Variants in NELL2 observed in about 807,000 individuals in gnomAD.
NELL2 encodes the protein neural EGFL like 2, also known as protein kinase C-binding protein NELL2.
NELL2 carries 41 observed loss-of-function variants against 109.6 expected under a neutral mutation model. The observed-to-expected ratio is 0.37, with a 90% CI of 0.29 to 0.49. The LOEUF is 0.49. Among genes scored for constraint, NELL2 ranks in the 20% least tolerant of loss-of-function variants. The pLI is 0.98. For synonymous variants in NELL2, 355 were observed against 344.7 expected, an observed-to-expected ratio of 1.03 and a Z score of -0.33; for missense variants, 900 against 1,008.3, an observed-to-expected ratio of 0.89 and a Z score of 1.45.
chr12:44,792,114 C>T (rs114049791), intron 3 of NELL2, among the ~76,000 whole-genome samples: 2,194 of 152,246 alleles, frequency 0.014, 52 homozygotes, highest in African/African-American at 0.05. Context: ...TATCAAACGC[C>T]ATTGACAGGT....
intron 13 of NELL2, among the ~76,000 whole-genome samples, chr12:44,620,670 C>T (rs1257977685): frequency 1.3e-5 from 2 of 151,990 alleles, no homozygotes; most frequent in South Asian, 2.1e-4. Flanking sequence ...TCACCATAGA[C>T]TCCTCCCTCC....
At chr12:44,743,068 T>A (rs923403929) in intron 9 of NELL2, among the ~76,000 whole-genome samples, 1 of 151,954 alleles carries the variant, frequency 6.6e-6, no homozygotes, top group African/African-American at 2.4e-5. Flanking sequence ...TGGGTTACCC[T>A]CAAAGGGAAG....
intron 13 of NELL2, among the ~76,000 whole-genome samples, chr12:44,620,981 C>G: frequency 1.3e-5 from 2 of 152,298 alleles, no homozygotes; most frequent in Middle Eastern, 6.8e-3. Flanking sequence ...ATTGGTGGCA[C>G]ACCATTGTTT....
intron 13 of NELL2, among the ~76,000 whole-genome samples, chr12:44,664,273 G>T (rs1015751344): frequency 1.3e-5 from 2 of 151,930 alleles, no homozygotes; most frequent in African/African-American, 4.8e-5. Flanking sequence ...TGTTTAGGAT[G>T]AACTGACAAA....
Position 44,695,314 on chromosome 12 carries a change from C to G in NELL2, c.1318+8412G>C, listed in dbSNP as rs1382950340. Among the ~76,000 whole-genome samples, 3 of 150,838 alleles carry G rather than the reference C, an allele frequency of 2.0e-5. No individual in the cohort carries two copies. In the East Asian group the frequency reaches 5.8e-4, roughly 29 times the overall value. ...TCAAAAAAAAAAAAAAAAGAAGAAG[C>G]AGCATTCAATTTTTAAAGTAGTTAA... On this transcript the variant is annotated intron_variant, in intron 12 of 19. Transcript: ENST00000429094.
chr12:44,609,084 T>G (rs1201825043), intron 14 of NELL2, among the ~76,000 whole-genome samples: 6 of 151,994 alleles, frequency 3.9e-5, no homozygotes, highest in African/African-American at 1.4e-4. Flanking sequence ...TTACCCATTT[T>G]GAGTTAGGTT....
At chr12:44,845,015 C>T (rs976793737) in intron 2 of NELL2, among the ~76,000 whole-genome samples, 39 of 152,252 alleles carry the variant, frequency 2.6e-4, no homozygotes, top group African/African-American at 8.2e-4. Context: ...ATCCTTAATA[C>T]TTTCCATTCC....
At chr12:44,623,135 G>A (rs1946117085) in intron 13 of NELL2, among the ~76,000 whole-genome samples, 1 of 152,112 alleles carries the variant, frequency 6.6e-6, no homozygotes, top group South Asian at 2.1e-4. Flanking sequence ...GTCGTTACAA[G>A]ATGAGTAAGG....
chr12:44,850,375 A>G (rs1944498230), intron 2 of NELL2, among the ~76,000 whole-genome samples: 1 of 152,130 alleles, frequency 6.6e-6, no homozygotes, highest in African/African-American at 2.4e-5. Flanking sequence ...ATAGAGTGAC[A>G]AGGATGTCTA....
chr12:44,771,006 T>G (rs1171990578), intron 9 of NELL2, among the ~76,000 whole-genome samples: 2 of 152,010 alleles, frequency 1.3e-5, no homozygotes, highest in East Asian at 3.8e-4. Flanking sequence ...TCAATTATTT[T>G]CTGATAATTT....
chr12:44,688,559 T>C (rs1405128444), intron 12 of NELL2, among the ~76,000 whole-genome samples: 2 of 152,212 alleles, frequency 1.3e-5, no homozygotes, highest in East Asian at 3.8e-4. Flanking sequence ...GGCTCTGAGA[T>C]GTTAAACAAT....
chr12:44,682,262 G>T lies in NELL2; in HGVS notation c.1319-16653C>A, dbSNP rs560917978. Among the ~76,000 whole-genome samples, 210 of 150,788 alleles carry T rather than the reference G, an allele frequency of 1.4e-3. 2 individuals are homozygous for T. Among genetic ancestry groups the T allele is most frequent in the African/African-American group, 4.6e-3 (185 of 40,176 alleles). On this transcript the variant is annotated intron_variant, in intron 12 of 19. Coordinates refer to ENST00000429094, the MANE Select transcript of NELL2 (RefSeq NM_001145108.2). Reference sequence around the variant, plus strand: ...TGTCCTTTGCCCACTTTTTGATGGGGTTTTTTGTTTTTTTCTTGTAAATTT... The same window carrying T: ...TGTCCTTTGCCCACTTTTTGATGGGTTTTTTTGTTTTTTTCTTGTAAATTT...
intron 15 of NELL2, among the ~76,000 whole-genome samples, chr12:44,558,074 T>A (rs1943322419): frequency 6.6e-6 from 1 of 152,090 alleles, no homozygotes; most frequent in Non-Finnish European, 1.5e-5. Context: ...AGTTTGCCTA[T>A]GAAGGAAAGG....
At chr12:44,723,523 GT>G (rs1207452869) in intron 9 of NELL2, among the ~76,000 whole-genome samples, 1 of 152,092 alleles carries the variant, frequency 6.6e-6, no homozygotes, top group East Asian at 1.9e-4. Flanking sequence ...ACTCAATCAT[GT>G]TTTGATGTTG....
At chr12:44,676,098 A>G (rs1592314394) in intron 12 of NELL2, among the ~76,000 whole-genome samples, 2 of 152,166 alleles carry the variant, frequency 1.3e-5, no homozygotes, top group African/African-American at 4.8e-5. Flanking sequence ...ACCCAATAAA[A>G]TCTTGAAGTC....
At chr12:44,677,994 T>C (rs1037962674) in intron 12 of NELL2, among the ~76,000 whole-genome samples, 22 of 152,062 alleles carry the variant, frequency 1.4e-4, no homozygotes, top group African/African-American at 5.3e-4. Context: ...GAGATCAAGA[T>C]TTGAGAGTCA....
chr12:44,566,418 C>T (rs1943659820), intron 15 of NELL2, among the ~76,000 whole-genome samples: 2 of 152,028 alleles, frequency 1.3e-5, no homozygotes, highest in South Asian at 2.1e-4. Flanking sequence ...ATGGCATAGA[C>T]AGTAGGTTAA....
chr12:44,517,371 TTCTCTC>T (rs71093810), intron 19 of NELL2, among the ~76,000 whole-genome samples: 25,997 of 102,368 alleles, frequency 0.25, 2,928 homozygotes, highest in East Asian at 0.33. Context: ...ACCAACTACT[TTCTCTC>T]TCTCTCTCTC....
intron 12 of NELL2, among the ~76,000 whole-genome samples, chr12:44,691,115 T>G (rs952601683): frequency 1.5e-4 from 23 of 152,114 alleles, no homozygotes; most frequent in African/African-American, 5.6e-4. Context: ...GCATACCTTG[T>G]TTTATTGCAG....
Sources: allele counts gnomAD v4.1 joint callset (sites outside exome capture counted in the v4.1 genomes callset), GRCh38; gene constraint gnomAD v4.1.1; transcripts MANE v1.5; gene names NCBI Gene and HGNC (gene_info 2026-07-23, HGNC 2026-07-21).